Variants in PTPRZ1 observed in about 807,000 individuals in gnomAD.
PTPRZ1 encodes receptor-type tyrosine-protein phosphatase zeta.
A neutral mutation model predicts 214.1 loss-of-function variants in PTPRZ1; 82 were observed. That is an observed-to-expected ratio of 0.38 (90% CI 0.32 to 0.46). The LOEUF is 0.46. Ranked by LOEUF, PTPRZ1 falls within the 20% of genes least tolerant of loss-of-function variation. The pLI is 1.00. For missense variants in PTPRZ1, 2,603 were observed against 2,748.7 expected, an observed-to-expected ratio of 0.95 and a Z score of 1.19; for synonymous variants, 945 against 987.9, an observed-to-expected ratio of 0.96 and a Z score of 0.81.
At chr7:121,962,961 A>C (rs1241935300) in intron 2 of PTPRZ1, among the ~76,000 whole-genome samples, 1 of 152,078 alleles carries the variant, frequency 6.6e-6, no homozygotes, top group African/African-American at 2.4e-5. Flanking sequence ...TTGCATGAAG[A>C]ATCTCAAGTT....
chr7:121,972,507 A>G (rs760723433), intron 3 of PTPRZ1, 34 bp from the exon 4 acceptor site: 26 of 1,532,220 alleles, frequency 1.7e-5, no homozygotes, highest in Middle Eastern at 1.7e-4. Context: ...TTTGATTTTC[A>G]GAAGCTTAGG....
chr7:122,056,988 T>G (rs1421385187), intron 27 of PTPRZ1, among the ~76,000 whole-genome samples: 1 of 152,006 alleles, frequency 6.6e-6, no homozygotes, highest in East Asian at 1.9e-4. Context: ...CTGCTTAGCA[T>G]TCCAGATAAT....
intron 15 of PTPRZ1, 71 bp from the exon 16 acceptor site, chr7:122,034,023 CT>C: frequency 5.8e-6 from 8 of 1,390,472 alleles, no homozygotes; most frequent in South Asian, 3.8e-5. Context: ...AATATGAACG[CT>C]TTTTTTTCTC....
chr7:122,051,734 G>C, intron 24 of PTPRZ1, 132 bp from the exon 25 acceptor site: 1 of 929,104 alleles, frequency 1.1e-6, no homozygotes, highest in South Asian at 1.5e-5. Context: ...ACAGATCAGA[G>C]ACACTTCAAC....
intron 11 of PTPRZ1, among the ~76,000 whole-genome samples, chr7:122,005,079 C>T (rs1798444501): frequency 6.6e-6 from 1 of 151,574 alleles, no homozygotes; most frequent in Non-Finnish European, 1.5e-5. Flanking sequence ...TAAATGTGGC[C>T]CAAAATATAA....
intron 3 of PTPRZ1, among the ~76,000 whole-genome samples, chr7:121,971,017 A>C (rs574848995): frequency 6.6e-6 from 1 of 152,194 alleles, no homozygotes; most frequent in Non-Finnish European, 1.5e-5. Context: ...AGCTTTCTAC[A>C]TATGGCTAGC....
At chr7:122,038,693 T>C (rs1799624306) in intron 18 of PTPRZ1, 62 bp from the exon 19 acceptor site, 6 of 1,515,262 alleles carry the variant, frequency 4.0e-6, no homozygotes, top group East Asian at 2.3e-5. Context: ...ACTTAGGCAT[T>C]GTACAGTTAA....
At chr7:121,906,970 A>C (rs1353580373) in intron 1 of PTPRZ1, among the ~76,000 whole-genome samples, 3 of 152,116 alleles carry the variant, frequency 2.0e-5, no homozygotes, top group African/African-American at 7.2e-5. Flanking sequence ...TTGCAGATAG[A>C]TTTTTCACAG....
chr7:122,058,048 T>G (rs1010775559), intron 27 of PTPRZ1, among the ~76,000 whole-genome samples: 3 of 151,572 alleles, frequency 2.0e-5, no homozygotes, highest in Non-Finnish European at 4.4e-5. Flanking sequence ...GTCACTTTGT[T>G]CATCCCTCAG....
chr7:121,993,299 C>T (rs1021956807), intron 8 of PTPRZ1, among the ~76,000 whole-genome samples: 1 of 151,802 alleles, frequency 6.6e-6, no homozygotes, highest in Non-Finnish European at 1.5e-5. Flanking sequence ...TGCCTGTAAT[C>T]CCAGCACTTG....
chr7:122,015,211 C>T (rs943215685), intron 12 of PTPRZ1, among the ~76,000 whole-genome samples: 3 of 152,032 alleles, frequency 2.0e-5, no homozygotes, highest in South Asian at 2.1e-4. Flanking sequence ...TAAATGTGAA[C>T]GTATCTTAAA....
chr7:121,946,843 C>G (rs1196491), intron 2 of PTPRZ1, among the ~76,000 whole-genome samples: 87,834 of 151,902 alleles, frequency 0.58, 25,859 homozygotes, highest in African/African-American at 0.67. Flanking sequence ...AATAAAAATG[C>G]ATAACCTGAA....
intron 15 of PTPRZ1, among the ~76,000 whole-genome samples, chr7:122,033,282 A>G (rs1799436354): frequency 6.6e-6 from 1 of 151,954 alleles, no homozygotes; most frequent in Admixed American, 6.6e-5. Flanking sequence ...ACTTGCTGCA[A>G]AAGAAGCCTT....
intron 1 of PTPRZ1, among the ~76,000 whole-genome samples, chr7:121,892,702 A>T (rs1794676336): frequency 1.5e-5 from 2 of 136,280 alleles, no homozygotes; most frequent in African/African-American, 5.2e-5. Flanking sequence ...ATATATATAT[A>T]TATATATATA....
intron 14 of PTPRZ1, among the ~76,000 whole-genome samples, chr7:122,029,102 T>C (rs1030217846): frequency 9.9e-5 from 15 of 151,992 alleles, no homozygotes; most frequent in Admixed American, 2.0e-4. Flanking sequence ...AAGGGTTTTT[T>C]TTTTTTAACC....
At chr7:121,920,751 A>G (rs1795572989) in intron 1 of PTPRZ1, among the ~76,000 whole-genome samples, 1 of 152,198 alleles carries the variant, frequency 6.6e-6, no homozygotes, top group African/African-American at 2.4e-5. Context: ...AGCTATCCTC[A>G]TGCATATCGT....
intron 4 of PTPRZ1, among the ~76,000 whole-genome samples, chr7:121,973,743 G>A (rs1009976848): frequency 6.6e-6 from 1 of 151,998 alleles, no homozygotes; most frequent in Non-Finnish European, 1.5e-5. Flanking sequence ...AGACCAGCCT[G>A]GCCAACATGG....
At chr7:121,927,339 A>AAGGG (rs1289645801) in intron 1 of PTPRZ1, among the ~76,000 whole-genome samples, 2 of 152,240 alleles carry the variant, frequency 1.3e-5, no homozygotes, top group African/African-American at 4.8e-5. Context: ...GTCAGGGATT[A>AAGGG]AGGGACAATC....
chr7:121,947,109 A>C (rs532518578), intron 2 of PTPRZ1, among the ~76,000 whole-genome samples: 32 of 152,156 alleles, frequency 2.1e-4, no homozygotes, highest in Non-Finnish European at 4.4e-4. Context: ...TGAAGAGTAT[A>C]TTGTGATTAT....
Sources: gnomAD v4.1 joint callset for allele counts (sites outside exome capture counted in the v4.1 genomes callset) on GRCh38, gnomAD v4.1.1 for gene constraint, MANE v1.5 for transcripts, NCBI Gene and HGNC (gene_info 2026-07-23, HGNC 2026-07-21) for gene names.